The following ULK4 variants were observed in gnomAD, a reference collection of about 807,000 sequenced individuals.
ULK4 encodes inactive serine/threonine-protein kinase ULK4.
Under a neutral mutation model 160.6 loss-of-function variants are expected in ULK4, and 133 were observed. The ratio of observed to expected loss-of-function variants is 0.83; its 90% CI spans 0.72 to 0.96. The LOEUF (loss-of-function observed/expected upper bound fraction) is 0.96, where lower values mean the gene tolerates loss of function less well. Among genes scored for constraint, ULK4 ranks in the 40% least tolerant of loss-of-function variants. The probability of loss-of-function intolerance (pLI) is 0.00; values close to 1 mark genes in which losing one functional copy is unlikely to be tolerated. For synonymous variants in ULK4, 534 were observed against 539.8 expected (o/e 0.99, Z 0.15); for missense variants, 1,580 against 1,499.5 (o/e 1.05, Z -0.89).
At chr3:41,508,211 G>A (rs1005853306) in intron 32 of ULK4, among the ~76,000 whole-genome samples, 7 of 152,114 alleles carry the variant, frequency 4.6e-5, no homozygotes, top group Non-Finnish European at 7.4e-5. Flanking sequence ...AGATGCAGCC[G>A]TAATCCTCTG....
At chr3:41,822,287 G>C (rs775614788) in intron 18 of ULK4, among the ~76,000 whole-genome samples, 2 of 152,020 alleles carry the variant, frequency 1.3e-5, no homozygotes, top group Admixed American at 6.6e-5. Context: ...AAGCACCTAC[G>C]GTGCACCAGA....
At chr3:41,850,146 AC>A (rs1320951161) in intron 17 of ULK4, among the ~76,000 whole-genome samples, 2 of 152,060 alleles carry the variant, frequency 1.3e-5, no homozygotes, top group Non-Finnish European at 2.9e-5. Context: ...TGAACTCATC[AC>A]TTTTTATGGC....
chr3:41,358,920 G>C (rs986652197), intron 35 of ULK4, among the ~76,000 whole-genome samples: 4 of 152,170 alleles, frequency 2.6e-5, no homozygotes, highest in African/African-American at 9.7e-5. Context: ...ACCATGTGTG[G>C]GGTGACGGAT....
At chr3:41,639,143 C>T (rs1021324271) in intron 30 of ULK4, among the ~76,000 whole-genome samples, 1 of 152,124 alleles carries the variant, frequency 6.6e-6, no homozygotes, top group South Asian at 2.1e-4. Flanking sequence ...AGGATACGAT[C>T]GGCTGATGGT....
intron 17 of ULK4, among the ~76,000 whole-genome samples, chr3:41,847,295 T>C (rs770564736): frequency 2.0e-5 from 3 of 152,224 alleles, no homozygotes; most frequent in Non-Finnish European, 4.4e-5. Context: ...ATACAACTAA[T>C]ATTCTAATAC....
intron 35 of ULK4, among the ~76,000 whole-genome samples, chr3:41,254,870 G>A (rs946574647): frequency 2.0e-5 from 3 of 149,370 alleles, no homozygotes; most frequent in Non-Finnish European, 4.4e-5. Context: ...GTGACAGAGC[G>A]AGACTCCATC....
chr3:41,356,297 C>T (rs1197884385), intron 35 of ULK4, among the ~76,000 whole-genome samples: 4 of 152,176 alleles, frequency 2.6e-5, no homozygotes, highest in Admixed American at 6.5e-5. Context: ...GACGCATAGA[C>T]GAGACCTGAA....
intron 21 of ULK4, among the ~76,000 whole-genome samples, chr3:41,769,655 T>C (rs533980196): frequency 6.6e-6 from 1 of 152,040 alleles, no homozygotes; most frequent in Non-Finnish European, 1.5e-5. Flanking sequence ...AACTTAAAGA[T>C]GGTATAATGA....
intron 19 of ULK4, among the ~76,000 whole-genome samples, chr3:41,803,214 T>C (rs921730662): frequency 1.3e-5 from 2 of 151,018 alleles, no homozygotes; most frequent in African/African-American, 4.9e-5. Context: ...AAAGGTGATA[T>C]AAAGGCAGGA....
intron 25 of ULK4, among the ~76,000 whole-genome samples, chr3:41,709,886 G>C (rs1042565696): frequency 6.6e-6 from 1 of 152,178 alleles, no homozygotes. Context: ...AAGACACAGA[G>C]TAGTGTACGT....
At chr3:41,330,971 T>A (rs1169298952) in intron 35 of ULK4, among the ~76,000 whole-genome samples, 1 of 152,134 alleles carries the variant, frequency 6.6e-6, no homozygotes, top group African/African-American at 2.4e-5. Context: ...TTCCCAAGAC[T>A]AAAGGGTCTG....
At chr3:41,797,194 A>G (rs1208531036) in intron 20 of ULK4, among the ~76,000 whole-genome samples, 1 of 152,178 alleles carries the variant, frequency 6.6e-6, no homozygotes, top group African/African-American at 2.4e-5. Context: ...AATGCAAAAA[A>G]AAAAGGTGTT....
intron 30 of ULK4, among the ~76,000 whole-genome samples, chr3:41,652,925 G>A (rs1044999936): frequency 1.3e-5 from 2 of 152,158 alleles, no homozygotes; most frequent in Non-Finnish European, 2.9e-5. Context: ...GTGGGGCTTA[G>A]GACACACAAA....
At chr3:41,746,296 A>AC (rs34377053) in intron 22 of ULK4, among the ~76,000 whole-genome samples, 5 of 143,240 alleles carry the variant, frequency 3.5e-5, no homozygotes, top group Admixed American at 1.4e-4. Flanking sequence ...AAAAAAAAAA[A>AC]CCACCTACAA....
intron 20 of ULK4, among the ~76,000 whole-genome samples, chr3:41,793,131 C>T (rs2040199787): frequency 6.6e-6 from 1 of 151,932 alleles, no homozygotes; most frequent in Non-Finnish European, 1.5e-5. Flanking sequence ...CAAGATCATG[C>T]CACTGCATTC....
chr3:41,340,802 G>A (rs143411977), intron 35 of ULK4, among the ~76,000 whole-genome samples: 126 of 152,274 alleles, frequency 8.3e-4, no homozygotes, highest in African/African-American at 2.9e-3. Flanking sequence ...ATAAGCCCAG[G>A]TTCATAATGG....
intron 35 of ULK4, among the ~76,000 whole-genome samples, chr3:41,292,566 G>A (rs562283539): frequency 6.6e-6 from 1 of 151,212 alleles, no homozygotes; most frequent in Admixed American, 6.6e-5. Flanking sequence ...AGAACTGCTT[G>A]AACCCGGGAG....
chr3:41,648,916 T>C (rs1363409835), intron 30 of ULK4, among the ~76,000 whole-genome samples: 8 of 152,070 alleles, frequency 5.3e-5, no homozygotes, highest in Non-Finnish European at 1.5e-5. Context: ...GGCAGATCGT[T>C]TGAGCCCAGG....
At chr3:41,313,602 C>T (rs773373847) in intron 35 of ULK4, among the ~76,000 whole-genome samples, 1 of 152,062 alleles carries the variant, frequency 6.6e-6, no homozygotes, top group Non-Finnish European at 1.5e-5. Context: ...TTTAGTTGAA[C>T]ATTCAACACA....
Sources: allele counts gnomAD v4.1 joint callset (sites outside exome capture counted in the v4.1 genomes callset), GRCh38; gene constraint gnomAD v4.1.1; transcripts MANE v1.5; gene names NCBI Gene and HGNC (gene_info 2026-07-23, HGNC 2026-07-21).